Variants in NRXN1 observed in about 807,000 individuals in gnomAD.
NRXN1 encodes neurexin 1, also known as neurexin-1.
Under a neutral mutation model 150.9 loss-of-function variants are expected in NRXN1, and 39 were observed. That is an observed-to-expected ratio of 0.26 (90% CI 0.20 to 0.34). NRXN1 has a LOEUF of 0.34. Among genes scored for constraint, NRXN1 ranks in the 10% least tolerant of loss-of-function variants. The probability of loss-of-function intolerance (pLI) is 1.00; values close to 1 mark genes in which losing one functional copy is unlikely to be tolerated. For missense variants in NRXN1, 1,815 were observed against 1,949.9 expected (o/e 0.93, Z 1.30); for synonymous variants, 924 against 757.0 (o/e 1.22, Z -3.62).
intron 5 of NRXN1, among the ~76,000 whole-genome samples, chr2:50,650,584 T>C (rs2104553313): frequency 6.6e-6 from 1 of 152,168 alleles, no homozygotes. Flanking sequence ...AAACAAATGC[T>C]CTGTGAGCTC....
chr2:50,199,226 C>G (rs2152831376), intron 18 of NRXN1: 1 of 152,136 alleles, frequency 6.6e-6, no homozygotes, highest in Non-Finnish European at 1.5e-5. Flanking sequence ...AAGATTGAAT[C>G]CAAAGGTTCA....
intron 2 of NRXN1, among the ~76,000 whole-genome samples, chr2:50,958,976 G>C (rs978603711): frequency 2.0e-5 from 3 of 152,072 alleles, no homozygotes; most frequent in Non-Finnish European, 4.4e-5. Context: ...TTTAGATTTT[G>C]TCGTAGTGTC....
At chr2:50,291,049 C>A (rs2072859991) in intron 17 of NRXN1, among the ~76,000 whole-genome samples, 1 of 151,750 alleles carries the variant, frequency 6.6e-6, no homozygotes, top group African/African-American at 2.4e-5. Flanking sequence ...AGAGAAAAAT[C>A]CCCTAGTGTA....
intron 5 of NRXN1, among the ~76,000 whole-genome samples, chr2:50,848,020 C>T (rs751566456): frequency 5.9e-5 from 9 of 152,308 alleles, no homozygotes; most frequent in Non-Finnish European, 1.0e-4. Context: ...AGAAATCCCT[C>T]TGTCGGAAGG....
intron 5 of NRXN1, among the ~76,000 whole-genome samples, chr2:50,753,061 TAC>T (rs1414908932): frequency 1.3e-5 from 2 of 152,004 alleles, no homozygotes; most frequent in African/African-American, 4.8e-5. Context: ...AGGAAAAATG[TAC>T]ATATTCTAAA....
chr2:50,333,782 T>C (rs1446015538), intron 17 of NRXN1, among the ~76,000 whole-genome samples: 1 of 151,930 alleles, frequency 6.6e-6, no homozygotes, highest in Non-Finnish European at 1.5e-5. Context: ...ACTTGATTGA[T>C]TGGTCTCTGC....
At chr2:50,556,777 T>C (rs1349695893) in intron 8 of NRXN1, among the ~76,000 whole-genome samples, 1 of 152,070 alleles carries the variant, frequency 6.6e-6, no homozygotes, top group Non-Finnish European at 1.5e-5. Context: ...AATAGGAGCT[T>C]AGTAGTCTGC....
At chr2:50,520,270 T>G (rs2092749505) in intron 12 of NRXN1, among the ~76,000 whole-genome samples, 1 of 151,886 alleles carries the variant, frequency 6.6e-6, no homozygotes, top group Non-Finnish European at 1.5e-5. Context: ...ATTTTGAGAG[T>G]CAAAATTAGT....
chr2:50,792,565 G>A (rs1255543841), intron 5 of NRXN1, among the ~76,000 whole-genome samples: 1 of 151,960 alleles, frequency 6.6e-6, no homozygotes, highest in Non-Finnish European at 1.5e-5. Context: ...GGATGGTATT[G>A]GTTGTAGTTG....
At chr2:50,919,097 G>A (rs1308470952) in intron 5 of NRXN1, 3 of 151,790 alleles carry the variant, frequency 2.0e-5, no homozygotes, top group Admixed American at 6.6e-5. Context: ...TATGGCCTAT[G>A]AGAAGAATGA....
chr2:49,919,590 G>C lies in NRXN1; in HGVS notation c.*2354C>G, dbSNP rs1159509080. Reference sequence around the variant, plus strand: ...AAAAAACCCTTCAAGCTGTAAATTAGTAGTTTTACACTTCCCTTCTTATTT... The same window carrying C: ...AAAAAACCCTTCAAGCTGTAAATTACTAGTTTTACACTTCCCTTCTTATTT... On this transcript the variant is annotated 3_prime_UTR_variant, in exon 23 of 23. Coordinates refer to ENST00000401669, the MANE Select transcript of NRXN1 (RefSeq NM_001330078.2). 4 of 151,430 alleles carry C rather than the reference G, an allele frequency of 2.6e-5. No homozygotes were observed. The highest frequency in any genetic ancestry group is 5.9e-5 in the Non-Finnish European group (4 of 67,848). The allele number at this position is 151,430 out of a possible 1,614,324, so 9.4% of individuals were successfully genotyped here.
chr2:49,960,719 C>A (rs947033996), intron 21 of NRXN1, among the ~76,000 whole-genome samples: 1 of 152,116 alleles, frequency 6.6e-6, no homozygotes, highest in South Asian at 2.1e-4. Context: ...GCACCAGCAC[C>A]GGCACTGCCA....
intron 17 of NRXN1, among the ~76,000 whole-genome samples, chr2:50,273,026 T>C (rs780504605): frequency 1.7e-4 from 26 of 152,004 alleles, no homozygotes; most frequent in South Asian, 8.3e-4. Context: ...AAAAAACACA[T>C]AAAAATTTTA....
chr2:50,564,393 TGTAAA>T (rs1437508139), intron 8 of NRXN1, among the ~76,000 whole-genome samples: 5 of 152,308 alleles, frequency 3.3e-5, no homozygotes, highest in South Asian at 2.1e-4. Flanking sequence ...AGATGCATTC[TGTAAA>T]GTAATCACAC....
intron 9 of NRXN1, among the ~76,000 whole-genome samples, chr2:50,551,050 G>A (rs12052970): frequency 0.065 from 5,147 of 78,802 alleles, 321 homozygotes; most frequent in African/African-American, 0.14. Flanking sequence ...AAGAGGAAGA[G>A]GAAGAAGAAG....
chr2:50,606,604 T>C (rs936849952), intron 8 of NRXN1, among the ~76,000 whole-genome samples: 5 of 93,202 alleles, frequency 5.4e-5, no homozygotes. Context: ...GAGCTGCTCA[T>C]ACAATAATAA....
At chr2:50,221,445 C>T (rs1425413742) in intron 18 of NRXN1, among the ~76,000 whole-genome samples, 1 of 151,954 alleles carries the variant, frequency 6.6e-6, no homozygotes, top group African/African-American at 2.4e-5. Context: ...TCTACAGCTA[C>T]ACATTTTAAT....
chr2:50,962,771 C>G (rs1006100778), intron 2 of NRXN1, among the ~76,000 whole-genome samples: 1 of 151,706 alleles, frequency 6.6e-6, no homozygotes, highest in South Asian at 2.1e-4. Flanking sequence ...TTGACCAGTT[C>G]TGTGTTCAAT....
rs960519927 is a variant in NRXN1, at chr2:49,968,187, C to G, written c.4129-24396G>C. ...AGCTGGCGAAGGAAGTAGAATAAGG[C>G]AAACAAAGAATTATTGCTACAGCAA... On this transcript the variant is annotated intron_variant, in intron 21 of 22. Coordinates refer to ENST00000401669, the MANE Select transcript of NRXN1 (RefSeq NM_001330078.2). 3.3e-5 allele frequency among the ~76,000 whole-genome samples: 5 copies of G among 151,282 alleles called. No individual in the cohort carries two copies. The South Asian group carries it at 1.0e-3, about 32-fold the overall frequency.
Sources: allele counts gnomAD v4.1 joint callset (sites outside exome capture counted in the v4.1 genomes callset), GRCh38; gene constraint gnomAD v4.1.1; transcripts MANE v1.5; gene names NCBI Gene and HGNC (gene_info 2026-07-23, HGNC 2026-07-21).